IL1RAPL1: variants seen among roughly 807,000 people sequenced by gnomAD.
IL1RAPL1 encodes the protein interleukin 1 receptor accessory protein like 1, also known as interleukin-1 receptor accessory protein-like 1.
IL1RAPL1 carries 3 observed loss-of-function variants against 48.4 expected under a neutral mutation model. That is an observed-to-expected ratio of 0.06 (90% CI 0.03 to 0.16). The LOEUF is 0.16. IL1RAPL1 is among the 10% of genes least tolerant of loss of function. The pLI is 1.00. For synonymous variants in IL1RAPL1, 185 were observed against 187.7 expected (o/e 0.99, Z 0.12); for missense variants, 349 against 530.6 (o/e 0.66, Z 3.36).
At chrX:29,543,171 G>A (rs1459891133) in intron 5 of IL1RAPL1, among the ~76,000 whole-genome samples, 2 of 105,500 alleles carry the variant, frequency 1.9e-5, no homozygotes, top group Non-Finnish European at 3.9e-5. Context: ...ATGACTGTAA[G>A]TATCTTTAGG....
rs1486380440 is a variant in IL1RAPL1 at position 29,802,837 on chromosome X, G to GTA, written c.779-114624_779-114623dup. Among the ~76,000 whole-genome samples, 137 of 65,607 alleles carry GTA rather than the reference G, an allele frequency of 2.1e-3. 1 individual carries two copies. Among genetic ancestry groups the GTA allele is most frequent in the Admixed American group, 3.3e-3 (19 of 5,802 alleles). The allele number at this position is 65,607 out of a possible 115,157, so 57.0% of individuals were successfully genotyped here. ...TGTGTATATATATGTATACATATAT[G>GTA]TATACATATATGTGTATATACGTGT... On this transcript the variant is annotated intron_variant, in intron 6 of 10. Transcript: ENST00000378993.
chrX:28,853,486 T>C (rs2361551), intron 2 of IL1RAPL1, among the ~76,000 whole-genome samples: 22,285 of 89,588 alleles, frequency 0.25, 4,443 homozygotes, highest in African/African-American at 0.68. Flanking sequence ...TGCATGTGTG[T>C]GCGCGCGCAC....
At chrX:29,053,522 G>A (rs1367697669) in intron 2 of IL1RAPL1, among the ~76,000 whole-genome samples, 1 of 111,660 alleles carries the variant, frequency 9.0e-6, no homozygotes, top group East Asian at 2.8e-4. Context: ...CTTTTTCTCT[G>A]CAACCTTGCC....
intron 5 of IL1RAPL1, among the ~76,000 whole-genome samples, chrX:29,526,967 A>G (rs1935559324): frequency 1.8e-5 from 2 of 112,129 alleles, no homozygotes; most frequent in South Asian, 7.3e-4. Flanking sequence ...AACACTAAAA[A>G]GGAAAAGCTA....
intron 2 of IL1RAPL1, among the ~76,000 whole-genome samples, chrX:29,240,222 ATATTTTTTT>A (rs1341411371): frequency 2.8e-3 from 49 of 17,540 alleles, no homozygotes; most frequent in African/African-American, 0.013. Flanking sequence ...ATATATATAT[ATATTTTTTT>A]TTTTTTTTTT....
At chrX:29,897,244 A>G (rs61400320) in intron 6 of IL1RAPL1, among the ~76,000 whole-genome samples, 2,418 of 112,441 alleles carry the variant, frequency 0.022, 63 homozygotes, top group African/African-American at 0.072. Flanking sequence ...GAAATAACTG[A>G]TTCAATTTGC....
At chrX:29,879,792 A>AT (rs949630540) in intron 6 of IL1RAPL1, among the ~76,000 whole-genome samples, 1 of 110,678 alleles carries the variant, frequency 9.0e-6, no homozygotes, top group African/African-American at 3.3e-5. Context: ...TTTATACAGT[A>AT]TTTTTTCTGG....
At chrX:29,418,125 A>ATATAT (rs1474269220) in intron 5 of IL1RAPL1, among the ~76,000 whole-genome samples, 2 of 26,702 alleles carry the variant, frequency 7.5e-5, no homozygotes, top group Admixed American at 7.7e-4. Context: ...ATATATATAT[A>ATATAT]TTTTTTTTTT....
rs926192532 is a variant in IL1RAPL1, at chrX:29,742,764, A to G, written c.778+74260A>G. Among the ~76,000 whole-genome samples, 3 of 112,094 alleles carry G rather than the reference A, an allele frequency of 2.7e-5. No homozygotes were observed. In the Admixed American group the frequency reaches 2.9e-4, roughly 11 times the overall value. On this transcript the variant is annotated intron_variant, in intron 6 of 10. Transcript: ENST00000378993. ...ACTATTAGCTCTTTGATGATTAATA[A>G]TAGTAAATACCATTATCACACTCAA...
chrX:29,910,987 A>T (rs1364018172), intron 6 of IL1RAPL1, among the ~76,000 whole-genome samples: 1 of 111,534 alleles, frequency 9.0e-6, no homozygotes, highest in African/African-American at 3.3e-5. Flanking sequence ...TAAACATAAG[A>T]TTCTCTTATG....
At position 28,644,406 on chromosome X, in the gene IL1RAPL1, C is replaced by A. The variant is rs371228476; in HGVS notation, c.-25+56359C>A. Among the ~76,000 whole-genome samples the A allele has an allele frequency of 1.7e-4, 19 of 111,664 alleles. No homozygotes were observed. The East Asian group carries it at 5.3e-3, about 31-fold the overall frequency. On this transcript the variant is annotated intron_variant, in intron 1 of 10. Coordinates refer to ENST00000378993, the MANE Select transcript of IL1RAPL1 (RefSeq NM_014271.4). ...TTATGATTTCTGTTTTTCAGTTCAC[C>A]TGATTCTGGAAAAGAAAAGAAAACT...
In IL1RAPL1 at chrX:28,636,968, G is replaced by A. The variant is rs775907359; in HGVS notation, c.-25+48921G>A. Among the ~76,000 whole-genome samples, 8 of 111,054 alleles carry A rather than the reference G, an allele frequency of 7.2e-5. No homozygotes were observed. In the South Asian group the frequency reaches 1.9e-3, roughly 26 times the overall value. On this transcript the variant is annotated intron_variant, in intron 1 of 10. Transcript: ENST00000378993. ...TGGTTAGAGACTAACAATGTTTGCC[G>A]TACCACCAAACTCAACAGTGGCATA...
chrX:28,743,684 T>A (rs999116775), intron 1 of IL1RAPL1, among the ~76,000 whole-genome samples: 23 of 111,541 alleles, frequency 2.1e-4, no homozygotes, highest in Middle Eastern at 4.6e-3. Context: ...CTCCAAAATG[T>A]TTCTAGTCTT....
At chrX:29,455,322 A>G (rs1263761709) in intron 5 of IL1RAPL1, among the ~76,000 whole-genome samples, 1 of 112,209 alleles carries the variant, frequency 8.9e-6, no homozygotes, top group African/African-American at 3.2e-5. Flanking sequence ...GTTTTAACCA[A>G]AACAGAGTTC....
chrX:29,624,566 G>C (rs1203069865), intron 5 of IL1RAPL1, among the ~76,000 whole-genome samples: 1 of 111,377 alleles, frequency 9.0e-6, no homozygotes, highest in African/African-American at 3.3e-5. Flanking sequence ...TGGCATGGTG[G>C]CTCATGCCTG....
chrX:29,208,540 T>A (rs143208074), intron 2 of IL1RAPL1, among the ~76,000 whole-genome samples: 3,140 of 108,140 alleles, frequency 0.029, 55 homozygotes, highest in Middle Eastern at 0.057. Flanking sequence ...TGAAACTCCA[T>A]CTCTACTAAA....
intron 2 of IL1RAPL1, among the ~76,000 whole-genome samples, chrX:29,046,767 T>TGA (rs1314054597): frequency 8.9e-6 from 1 of 111,974 alleles, no homozygotes; most frequent in Non-Finnish European, 1.9e-5. Context: ...TACAGCATCA[T>TGA]TGATTTCGAT....
intron 5 of IL1RAPL1, among the ~76,000 whole-genome samples, chrX:29,640,434 T>C (rs1277741361): frequency 2.7e-5 from 3 of 112,277 alleles, no homozygotes; most frequent in Non-Finnish European, 5.6e-5. Flanking sequence ...CATCCCTGCA[T>C]CCCAGACTCA....
In IL1RAPL1 at chrX:29,843,842, G is replaced by C. The variant is rs768462244; in HGVS notation, c.779-73622G>C. On this transcript the variant is annotated intron_variant, in intron 6 of 10. Transcript: ENST00000378993. ...CTTCCATCATCACATCTCCTTCCCT[G>C]ACTCGGACCATTCTGCCTGCCTCCA... 3.7e-5 allele frequency among the ~76,000 whole-genome samples: 4 copies of C among 107,685 alleles called. No individual in the cohort carries two copies. In the East Asian group the frequency reaches 1.2e-3, roughly 31 times the overall value. 93.5% of individuals were successfully genotyped at this position (107,685 alleles called of 115,157 possible).
Sources: gnomAD v4.1 joint callset for allele counts (sites outside exome capture counted in the v4.1 genomes callset) on GRCh38, gnomAD v4.1.1 for gene constraint, MANE v1.5 for transcripts, NCBI Gene and HGNC (gene_info 2026-07-23, HGNC 2026-07-21) for gene names.